Variants in CXCL13 observed in about 807,000 individuals in gnomAD.
CXCL13 encodes the protein C-X-C motif chemokine ligand 13, also known as C-X-C motif chemokine 13.
Under a neutral mutation model 12.2 loss-of-function variants are expected in CXCL13, and 7 were observed. The ratio of observed to expected loss-of-function variants is 0.57; its 90% CI spans 0.33 to 1.07. CXCL13 has a LOEUF of 1.07. Ranked by LOEUF, CXCL13 falls within the 50% of genes least tolerant of loss-of-function variation. CXCL13 has a pLI of 0.04. For synonymous variants in CXCL13, 47 were observed against 42.4 expected (o/e 1.11, Z -0.42); for missense variants, 113 against 127.4 (o/e 0.89, Z 0.55).
At chr4:77,512,773 A>AT (rs1724306974) in intron 1 of CXCL13, among the ~76,000 whole-genome samples, 1 of 152,120 alleles carries the variant, frequency 6.6e-6, no homozygotes, top group Non-Finnish European at 1.5e-5. Context: ...TTTAGTGTAT[A>AT]TTTTTTGTTA....
intron 1 of CXCL13, among the ~76,000 whole-genome samples, chr4:77,562,947 C>G (rs1447493781): frequency 6.6e-6 from 1 of 152,110 alleles, no homozygotes. Context: ...GCTGCCAGAG[C>G]CAGCAGTGGC....
chr4:77,605,692 T>G, upstream of CXCL13: 1 of 412,208 alleles, frequency 2.4e-6, no homozygotes, highest in Non-Finnish European at 4.4e-6. Flanking sequence ...AGAGAAGTTT[T>G]AAAAAAGCAA....
At chr4:77,594,658 G>T (rs1006701449) in intron 1 of CXCL13, among the ~76,000 whole-genome samples, 1 of 152,236 alleles carries the variant, frequency 6.6e-6, no homozygotes, top group South Asian at 2.1e-4. Context: ...ATCTTTCCCA[G>T]GTCCACATTC....
At chr4:77,532,147 G>A (rs1290779619) in intron 1 of CXCL13, among the ~76,000 whole-genome samples, 1 of 152,168 alleles carries the variant, frequency 6.6e-6, no homozygotes, top group African/African-American at 2.4e-5. Flanking sequence ...AGCCTCAATG[G>A]TCTTTACAAT....
intron 1 of CXCL13, among the ~76,000 whole-genome samples, chr4:77,550,703 G>C (rs1397845467): frequency 1.3e-5 from 2 of 152,174 alleles, no homozygotes; most frequent in Non-Finnish European, 2.9e-5. Flanking sequence ...GTCTGATGCT[G>C]TCAGTAGGGT....
chr4:77,610,857 T>C, intron 3 of CXCL13, 131 bp from the exon 4 acceptor site: 2 of 917,966 alleles, frequency 2.2e-6, no homozygotes, highest in Non-Finnish European at 3.5e-6. Flanking sequence ...GGGTAGCTCA[T>C]TCCAGCAGCT....
chr4:77,549,583 C>T (rs371328783), intron 1 of CXCL13, among the ~76,000 whole-genome samples: 76 of 152,334 alleles, frequency 5.0e-4, no homozygotes, highest in African/African-American at 1.7e-3. Flanking sequence ...TTACTTCTAA[C>T]AGTCAGGACC....
intron 1 of CXCL13, among the ~76,000 whole-genome samples, chr4:77,535,657 G>A (rs1289637344): frequency 2.6e-5 from 4 of 152,096 alleles, no homozygotes; most frequent in Non-Finnish European, 5.9e-5. Context: ...GCCATGCTAC[G>A]AGGAAGCCCA....
chr4:77,536,019 G>A (rs1355694200), intron 1 of CXCL13, among the ~76,000 whole-genome samples: 1 of 152,104 alleles, frequency 6.6e-6, no homozygotes, highest in Non-Finnish European at 1.5e-5. Flanking sequence ...ATACTTGATA[G>A]AATAAACACC....
At chr4:77,543,907 C>A (rs1725283119) in intron 1 of CXCL13, among the ~76,000 whole-genome samples, 1 of 152,122 alleles carries the variant, frequency 6.6e-6, no homozygotes. Context: ...CTCCCCCAAC[C>A]CCATGACAGG....
upstream of CXCL13, among the ~76,000 whole-genome samples, chr4:77,601,194 C>T (rs1428731090): frequency 1.3e-5 from 2 of 152,068 alleles, no homozygotes; most frequent in African/African-American, 2.4e-5. Context: ...AATTTAATTA[C>T]CTTTGAAAAA....
At chr4:77,539,753 T>A (rs1233246290) in intron 1 of CXCL13, among the ~76,000 whole-genome samples, 2 of 152,196 alleles carry the variant, frequency 1.3e-5, no homozygotes, top group East Asian at 1.9e-4. Flanking sequence ...TATTAGGGGA[T>A]TGCCGTTCCC....
intron 1 of CXCL13, among the ~76,000 whole-genome samples, chr4:77,521,255 C>A (rs1724589291): frequency 6.6e-6 from 1 of 152,190 alleles, no homozygotes; most frequent in Non-Finnish European, 1.5e-5. Flanking sequence ...AGGACTCCCT[C>A]TTTTTCTATT....
At chr4:77,589,864 C>T (rs1046564572) in intron 1 of CXCL13, among the ~76,000 whole-genome samples, 5 of 152,182 alleles carry the variant, frequency 3.3e-5, no homozygotes, top group African/African-American at 1.2e-4. Context: ...AGGTTCATTC[C>T]ATTCAACAGA....
intron 1 of CXCL13, among the ~76,000 whole-genome samples, chr4:77,588,758 G>A (rs1262461935): frequency 6.6e-6 from 1 of 151,848 alleles, no homozygotes; most frequent in Non-Finnish European, 1.5e-5. Flanking sequence ...TAATTTCTTG[G>A]GCTCTGACCA....
At chr4:77,557,681 G>A (rs6812846) in intron 1 of CXCL13, among the ~76,000 whole-genome samples, 2,951 of 152,272 alleles carry the variant, frequency 0.019, 86 homozygotes, top group African/African-American at 0.068. Flanking sequence ...AGCGGGGCAG[G>A]TCCTGTTATC....
chr4:77,531,285 C>G (rs1219594151), intron 1 of CXCL13, among the ~76,000 whole-genome samples: 1 of 112,758 alleles, frequency 8.9e-6, no homozygotes, highest in Non-Finnish European at 1.8e-5. Flanking sequence ...TCCCCCCACC[C>G]CACTACAGTC....
chr4:77,553,312 C>T (rs1295490937), intron 1 of CXCL13, among the ~76,000 whole-genome samples: 1 of 152,238 alleles, frequency 6.6e-6, no homozygotes, highest in Non-Finnish European at 1.5e-5. Context: ...GCATGTGCTC[C>T]AATCTGTGGC....
At chr4:77,584,059 AG>A (rs1224746378) in intron 1 of CXCL13, among the ~76,000 whole-genome samples, 3 of 152,174 alleles carry the variant, frequency 2.0e-5, no homozygotes, top group Non-Finnish European at 2.9e-5. Flanking sequence ...TCAAAAATGA[AG>A]GGGCAACAGG....
Sources: gnomAD v4.1 joint callset for allele counts (sites outside exome capture counted in the v4.1 genomes callset) on GRCh38, gnomAD v4.1.1 for gene constraint, MANE v1.5 for transcripts, NCBI Gene and HGNC (gene_info 2026-07-23, HGNC 2026-07-21) for gene names.